CACNA2D3: variants seen among roughly 807,000 people sequenced by gnomAD.
The protein encoded by CACNA2D3 is voltage-dependent calcium channel subunit alpha-2/delta-3.
In CACNA2D3, 60 loss-of-function variants were observed where a neutral mutation model predicts 160.6. The observed-to-expected ratio is 0.37, with a 90% CI of 0.30 to 0.46. CACNA2D3 has a LOEUF of 0.46. Ranked by LOEUF, CACNA2D3 falls within the 20% of genes least tolerant of loss-of-function variation. The pLI is 1.00. For synonymous variants in CACNA2D3, 558 were observed against 492.9 expected, an observed-to-expected ratio of 1.13 and a Z score of -1.75; for missense variants, 1,205 against 1,365.0, an observed-to-expected ratio of 0.88 and a Z score of 1.85.
chr3:54,164,281 G>C (rs1343259908), intron 2 of CACNA2D3, among the ~76,000 whole-genome samples: 1 of 152,142 alleles, frequency 6.6e-6, no homozygotes, highest in Non-Finnish European at 1.5e-5. Context: ...CAGGAGTTCT[G>C]AGTCTCTACC....
At chr3:54,760,709 G>T (rs1202923735) in intron 12 of CACNA2D3, among the ~76,000 whole-genome samples, 1 of 151,994 alleles carries the variant, frequency 6.6e-6, no homozygotes, top group Non-Finnish European at 1.5e-5. Context: ...TTAGAGATAG[G>T]ACCAGAAGAA....
intron 14 of CACNA2D3, among the ~76,000 whole-genome samples, chr3:54,835,683 A>G (rs968181179): frequency 1.3e-5 from 2 of 152,206 alleles, no homozygotes; most frequent in Admixed American, 6.5e-5. Context: ...AAAACACGCT[A>G]GGTTGAAGAT....
At chr3:54,831,443 C>T (rs1703875892) in intron 14 of CACNA2D3, among the ~76,000 whole-genome samples, 1 of 152,220 alleles carries the variant, frequency 6.6e-6, no homozygotes, top group East Asian at 1.9e-4. Flanking sequence ...GCAACCCAAA[C>T]AGATGTCCTT....
At chr3:54,986,862 C>T (rs1048046335) in intron 30 of CACNA2D3, among the ~76,000 whole-genome samples, 1 of 152,100 alleles carries the variant, frequency 6.6e-6, no homozygotes, top group East Asian at 1.9e-4. Context: ...CTGTTCCATG[C>T]ACTGCGTACG....
rs1203861660 is a variant in CACNA2D3 at position 54,196,604 on chromosome 3, A to G, written c.204+73010A>G. 2.6e-5 allele frequency among the ~76,000 whole-genome samples: 4 copies of G among 152,346 alleles called. No individual in the cohort carries two copies. In the South Asian group the frequency reaches 8.3e-4, roughly 32 times the overall value. On this transcript the variant is annotated intron_variant, in intron 2 of 37. Transcript: ENST00000474759. Reference sequence around the variant, plus strand: ...CAGCTCTTCTTATAAAGTGGTTCCTATGGTATATGCAGGGCTTTGTCAGTT... The same window carrying G: ...CAGCTCTTCTTATAAAGTGGTTCCTGTGGTATATGCAGGGCTTTGTCAGTT...
In CACNA2D3 at chr3:54,871,558, G is replaced by T; in HGVS notation, c.1646G>T (p.Arg549Leu). 2 of 1,613,284 alleles carry T rather than the reference G, an allele frequency of 1.2e-6. No individual in the cohort carries two copies. The highest frequency in any genetic ancestry group is 2.2e-5 in the East Asian group (1 of 44,856). The change falls in exon 18 of 38, where the codon CGA (arginine) becomes CTA (leucine). Residue 549 changes from arginine to leucine, a missense_variant. Arg to Leu is a moderately radical substitution (Grantham distance 102). Transcript: ENST00000474759. The stretch of plus-strand genomic sequence containing the variant: ...TGCTAGTACGAAGAAGGAAAAAAGC[G>T]AAGGAAACCTAACTATAGTAGCGTT... ...LRLLYEEGKKRRKPNYSSVDL... is the reference protein window; with the variant it reads ...LRLLYEEGKKLRKPNYSSVDL...
Position 55,074,415 on chromosome 3 carries a change from A to T in CACNA2D3, c.*209A>T. On this transcript the variant is annotated 3_prime_UTR_variant, in exon 38 of 38. Transcript: ENST00000474759. Reference sequence around the variant, plus strand: ...CTATCATCTTTTTACTTTGCCAGTCATGCAAATGTGAGTTTGCCACATGAT... The same window carrying T: ...CTATCATCTTTTTACTTTGCCAGTCTTGCAAATGTGAGTTTGCCACATGAT... 1.8e-6 allele frequency: 1 copy of T among 564,726 alleles called. No homozygotes were observed. Among genetic ancestry groups the T allele is most frequent in the Non-Finnish European group, 3.2e-6 (1 of 316,066 alleles). 35.0% of individuals were successfully genotyped at this position (564,726 alleles called of 1,614,324 possible).
rs77879799 is a variant in CACNA2D3 at position 54,699,446 on chromosome 3, C to G, written c.1168-53153C>G. On this transcript the variant is annotated intron_variant, in intron 11 of 37. Transcript: ENST00000474759. ...CCTTTGGGAAACAGCCTGCTTCCCC[C>G]CAGTCACTAACAAGTTGTTCAGAAG... Among the ~76,000 whole-genome samples, 93 of 152,304 alleles carry G rather than the reference C, an allele frequency of 6.1e-4. No homozygotes were observed. The East Asian group carries it at 0.01, about 17-fold the overall frequency.
chr3:54,597,085 C>A (rs1020163849), intron 9 of CACNA2D3, among the ~76,000 whole-genome samples: 3 of 152,236 alleles, frequency 2.0e-5, no homozygotes, highest in Admixed American at 2.0e-4. Context: ...CACATCCCAG[C>A]CAATCAGTCT....
intron 24 of CACNA2D3, 77 bp downstream of exon 24, chr3:54,888,129 C>G (rs1699969600): frequency 6.8e-6 from 8 of 1,174,174 alleles, no homozygotes; most frequent in Admixed American, 5.2e-5. Flanking sequence ...GTTTAAAGAA[C>G]TAAACTGTTT....
intron 35 of CACNA2D3, among the ~76,000 whole-genome samples, chr3:55,019,708 C>T (rs1455863067): frequency 6.6e-6 from 1 of 152,066 alleles, no homozygotes; most frequent in South Asian, 2.1e-4. Flanking sequence ...ATTTGTGAAA[C>T]ATTTTCTTTC....
At chr3:54,306,714 G>C (rs1289911980) in intron 2 of CACNA2D3, among the ~76,000 whole-genome samples, 1 of 152,228 alleles carries the variant, frequency 6.6e-6, no homozygotes, top group Non-Finnish European at 1.5e-5. Flanking sequence ...GGAGATCGTG[G>C]CAGTGCCTGA....
At chr3:54,497,612 C>T (rs575754589) in intron 4 of CACNA2D3, among the ~76,000 whole-genome samples, 2 of 152,032 alleles carry the variant, frequency 1.3e-5, no homozygotes, top group South Asian at 4.1e-4. Context: ...ATTTGTCTTA[C>T]AGTATTTGCC....
intron 16 of CACNA2D3, among the ~76,000 whole-genome samples, chr3:54,841,488 T>C (rs1328379714): frequency 6.6e-6 from 1 of 152,124 alleles, no homozygotes; most frequent in Non-Finnish European, 1.5e-5. Context: ...CAGAGCTTTG[T>C]GAAAGGGGTA....
At chr3:54,149,875 A>C in intron 2 of CACNA2D3, among the ~76,000 whole-genome samples, 1 of 109,154 alleles carries the variant, frequency 9.2e-6, no homozygotes, top group Non-Finnish European at 1.9e-5. Context: ...GGCTGTCCTG[A>C]AGTATCTGTC....
At chr3:54,515,560 A>G (rs1701537203) in intron 5 of CACNA2D3, among the ~76,000 whole-genome samples, 1 of 152,236 alleles carries the variant, frequency 6.6e-6, no homozygotes, top group African/African-American at 2.4e-5. Flanking sequence ...AGAACGCCCA[A>G]GTAAGTTGTT....
At chr3:54,878,439 A>G (rs1158441034) in intron 18 of CACNA2D3, among the ~76,000 whole-genome samples, 1 of 152,154 alleles carries the variant, frequency 6.6e-6, no homozygotes, top group East Asian at 1.9e-4. Flanking sequence ...AGGACCTCCA[A>G]AAAATCAGAT....
intron 5 of CACNA2D3, among the ~76,000 whole-genome samples, chr3:54,505,171 AT>A (rs1417786769): frequency 1.3e-5 from 2 of 152,156 alleles, no homozygotes; most frequent in African/African-American, 4.8e-5. Context: ...TACCCCATTC[AT>A]TAACTGTTCT....
At chr3:55,049,267 G>A (rs1266779921) in intron 35 of CACNA2D3, among the ~76,000 whole-genome samples, 2 of 147,970 alleles carry the variant, frequency 1.4e-5, no homozygotes, top group African/African-American at 5.1e-5. Context: ...TCTACACACT[G>A]CTTTGAATGC....
Sources: allele counts gnomAD v4.1 joint callset (sites outside exome capture counted in the v4.1 genomes callset), GRCh38; gene constraint gnomAD v4.1.1; transcripts MANE v1.5; gene names NCBI Gene and HGNC (gene_info 2026-07-23, HGNC 2026-07-21).